RGS5: variants seen among roughly 807,000 people sequenced by gnomAD.
RGS5 encodes regulator of G protein signaling 5, also known as regulator of G-protein signalling 5.
A neutral mutation model predicts 18.9 loss-of-function variants in RGS5; 20 were observed. The observed-to-expected ratio is 1.06, with a 90% CI of 0.74 to 1.54. The LOEUF is 1.54. Among genes scored for constraint, RGS5 ranks in the 40% most tolerant of loss-of-function variants. The pLI, the probability that RGS5 is intolerant of heterozygous loss-of-function variation, is 0.00. For synonymous variants in RGS5, 57 were observed against 76.2 expected, an observed-to-expected ratio of 0.75 and a Z score of 1.31; for missense variants, 201 against 211.8, an observed-to-expected ratio of 0.95 and a Z score of 0.32.
upstream of RGS5, among the ~76,000 whole-genome samples, chr1:163,204,721 A>G (rs919625754): frequency 1.3e-5 from 2 of 152,184 alleles, no homozygotes; most frequent in African/African-American, 4.8e-5. Context: ...AAATCAATTA[A>G]TTATCATTTT....
chr1:163,186,471 C>T (rs760175608), intron 1 of RGS5, among the ~76,000 whole-genome samples: 4 of 147,512 alleles, frequency 2.7e-5, no homozygotes, highest in African/African-American at 5.0e-5. Context: ...CCTAGCTACG[C>T]GGGAGGCTGA....
chr1:163,158,911 T>G (rs1013400060), intron 3 of RGS5, among the ~76,000 whole-genome samples: 7 of 152,122 alleles, frequency 4.6e-5, no homozygotes, highest in African/African-American at 1.4e-4. Flanking sequence ...ATCCCTCAAC[T>G]ACGATCATAA....
At chr1:163,200,379 T>C (rs2101659427) in intron 1 of RGS5, among the ~76,000 whole-genome samples, 1 of 152,336 alleles carries the variant, frequency 6.6e-6, no homozygotes, top group East Asian at 1.9e-4. Flanking sequence ...TTATTTTATA[T>C]GAATTTTTAA....
rs1657395157 is a variant in RGS5 at position 163,152,051 on chromosome 1, G to C, written c.384+499C>G. On this transcript the variant is annotated intron_variant, in intron 4 of 4. Transcript: ENST00000313961. ...ATGAAAAAAGTTTTGGCTGTATTTT[G>C]ACTGAGACCTATCACAAGAGGTCAG... Among the ~76,000 whole-genome samples, 6 of 152,132 alleles carry C rather than the reference G, an allele frequency of 3.9e-5. 1 individual carries two copies. The South Asian group carries it at 1.2e-3, about 32-fold the overall frequency.
chr1:163,187,408 T>C (rs1659136925), intron 1 of RGS5, among the ~76,000 whole-genome samples: 1 of 152,150 alleles, frequency 6.6e-6, no homozygotes, highest in African/African-American at 2.4e-5. Context: ...CCCTCAGCCT[T>C]TGTTACAGTC....
In RGS5 at chr1:163,161,990, A is replaced by G. The variant is rs1418059165; in HGVS notation, c.156-14T>C. 3.1e-6 allele frequency: 5 copies of G among 1,600,978 alleles called. No individual in the cohort carries two copies. Among genetic ancestry groups the G allele is most frequent in the Non-Finnish European group, 4.3e-6 (5 of 1,168,316 alleles). ...TCCAGCGAGGTTCTACATCAATAAT[A>G]AGGAGAGAAAAGGGGTATGGCGTAA... is the stretch of plus-strand genomic sequence containing the variant. On this transcript the variant is annotated splice_polypyrimidine_tract_variant and intron_variant, in intron 2 of 4. Coordinates refer to ENST00000313961, the MANE Select transcript of RGS5 (RefSeq NM_003617.4).
At chr1:163,209,880 G>A (rs527708555) in intron 1 of RGS5, among the ~76,000 whole-genome samples, 1 of 151,986 alleles carries the variant, frequency 6.6e-6, no homozygotes, top group South Asian at 2.1e-4. Flanking sequence ...TATTGAGAAG[G>A]GCATATTTTT....
intron 2 of RGS5, among the ~76,000 whole-genome samples, chr1:163,254,824 A>G (rs1237579888): frequency 7.2e-6 from 1 of 138,034 alleles, no homozygotes; most frequent in Non-Finnish European, 1.6e-5. Context: ...TAATTTTTGT[A>G]TAAGGTGTAA....
intron 2 of RGS5, among the ~76,000 whole-genome samples, chr1:163,281,733 C>T (rs968012569): frequency 2.6e-4 from 39 of 152,084 alleles, no homozygotes; most frequent in African/African-American, 8.0e-4. Flanking sequence ...ATTGACTAAT[C>T]GAACAGCATG....
At chr1:163,280,195 G>A (rs1648955562) in intron 2 of RGS5, among the ~76,000 whole-genome samples, 1 of 93,286 alleles carries the variant, frequency 1.1e-5, no homozygotes, top group Non-Finnish European at 2.6e-5. Context: ...AACCAGACAG[G>A]CACAAATTAA....
intron 2 of RGS5, among the ~76,000 whole-genome samples, chr1:163,268,202 A>G (rs1415277194): frequency 6.6e-6 from 1 of 152,140 alleles, no homozygotes; most frequent in African/African-American, 2.4e-5. Context: ...TGTTCCAGAC[A>G]CAAACAATAC....
chr1:163,199,813 A>G (rs1462572684), intron 1 of RGS5, among the ~76,000 whole-genome samples: 1 of 151,894 alleles, frequency 6.6e-6, no homozygotes, highest in Non-Finnish European at 1.5e-5. Flanking sequence ...TTAATTAATT[A>G]ATTGATTTTT....
intron 2 of RGS5, among the ~76,000 whole-genome samples, chr1:163,284,935 G>T (rs1649104385): frequency 6.6e-6 from 1 of 152,110 alleles, no homozygotes; most frequent in South Asian, 2.1e-4. Flanking sequence ...TAAAGAAAAA[G>T]AGGTTTAATG....
chr1:163,203,763 A>G (rs1024940110), upstream of RGS5, among the ~76,000 whole-genome samples: 1 of 152,104 alleles, frequency 6.6e-6, no homozygotes, highest in African/African-American at 2.4e-5. Context: ...GTACCTCCCC[A>G]CCATAGCCAT....
At chr1:163,242,647 C>G (rs1647820119) in intron 2 of RGS5, among the ~76,000 whole-genome samples, 1 of 152,116 alleles carries the variant, frequency 6.6e-6, no homozygotes, top group Non-Finnish European at 1.5e-5. Context: ...AAAAGGTGCA[C>G]AGTCAGGAAA....
intron 1 of RGS5, among the ~76,000 whole-genome samples, chr1:163,308,958 T>TA (rs949537450): frequency 1.3e-5 from 2 of 152,214 alleles, no homozygotes; most frequent in African/African-American, 4.8e-5. Context: ...ACTTTATTGC[T>TA]AAAAAATGCT....
chr1:163,281,203 A>G (rs6676172), intron 2 of RGS5, among the ~76,000 whole-genome samples: 46,086 of 152,036 alleles, frequency 0.3, 7,042 homozygotes, highest in Non-Finnish European at 0.32. Flanking sequence ...CCCCAGCCAT[A>G]TGGAACTGTA....
intron 1 of RGS5, among the ~76,000 whole-genome samples, chr1:163,194,942 A>C (rs1659504352): frequency 6.6e-6 from 1 of 152,198 alleles, no homozygotes; most frequent in South Asian, 2.1e-4. Context: ...AAAACAATAG[A>C]TGTTGGCATG....
chr1:163,294,139 C>A (rs886535705), intron 2 of RGS5, among the ~76,000 whole-genome samples: 1 of 152,220 alleles, frequency 6.6e-6, no homozygotes, highest in Non-Finnish European at 1.5e-5. Flanking sequence ...TTTCACAGCT[C>A]CACTAGGCAG....
Sources: gnomAD v4.1 joint callset for allele counts (sites outside exome capture counted in the v4.1 genomes callset) on GRCh38, gnomAD v4.1.1 for gene constraint, MANE v1.5 for transcripts, NCBI Gene and HGNC (gene_info 2026-07-23, HGNC 2026-07-21) for gene names.